TRIM50: variants seen among roughly 807,000 people sequenced by gnomAD.
The protein encoded by TRIM50 is E3 ubiquitin-protein ligase TRIM50.
Under a neutral mutation model 44.9 loss-of-function variants are expected in TRIM50, and 34 were observed. That is an observed-to-expected ratio of 0.76 (90% CI 0.58 to 1.01). TRIM50 has a LOEUF of 1.01. Ranked by LOEUF, TRIM50 falls within the 50% of genes least tolerant of loss-of-function variation. The probability of loss-of-function intolerance (pLI) is 0.00; values close to 1 mark genes in which losing one functional copy is unlikely to be tolerated. For synonymous variants in TRIM50, 307 were observed against 291.1 expected, an observed-to-expected ratio of 1.05 and a Z score of -0.56; for missense variants, 633 against 663.7, an observed-to-expected ratio of 0.95 and a Z score of 0.51.
intron 1 of TRIM50, 133 bp from the exon 2 acceptor site, chr7:73,324,938 C>T: frequency 6.9e-7 from 1 of 1,451,360 alleles, no homozygotes; most frequent in Non-Finnish European, 9.2e-7. Context: ...CAGTCCTAAC[C>T]CACATGACCT....
In TRIM50 at chr7:73,324,659, C is replaced by T; in HGVS notation, c.129G>A (p.Leu43=). 1 of 1,614,204 alleles carries T rather than the reference C, an allele frequency of 6.2e-7. No individual in the cohort carries two copies. ...GCAGCTCGGCATCCAGGTGGCAGGA[C>T]AGGGAAACCAGGCAGCCCTTGCAGT... The part of the protein sequence containing the change: ...HSYCKGCLVS[L]SCHLDAELRC... The change falls in exon 2 of 7, where the codon CTG becomes CTA. Residue 43 remains leucine (L), a synonymous_variant. Coordinates refer to ENST00000333149, the MANE Select transcript of TRIM50 (RefSeq NM_178125.3).
At position 73,313,161 on chromosome 7, in the gene TRIM50, G is replaced by T; in HGVS notation, c.1224C>A (p.Ala408=). The T allele has an allele frequency of 6.3e-7, 1 of 1,588,176 alleles. No individual in the cohort carries two copies. Among genetic ancestry groups the T allele is most frequent in the South Asian group, 1.1e-5 (1 of 87,510 alleles). Residue 408 remains alanine, a synonymous_variant, in exon 7 of 7, where the codon GCC becomes GCA. Transcript: ENST00000333149. This position sits in a 1 kb window ranked among gnomAD's most constrained non-coding sequence, Gnocchi z 4.9. ...AGAGCCCGATGCGGTGGGGGTGGCC[G>T]GCCACGGGCAGGGGTACCCGGGGGC... ...FACPRVPLPV[A]GHPHRIGLYL...
chr7:73,316,220 A>G (rs1312417123), intron 6 of TRIM50, among the ~76,000 whole-genome samples: 3 of 152,156 alleles, frequency 2.0e-5, no homozygotes, highest in Admixed American at 6.5e-5. Flanking sequence ...CAAAAACTGC[A>G]ATTACTTTTG....
chr7:73,322,254 C>A (rs1224803679), intron 2 of TRIM50, among the ~76,000 whole-genome samples: 3 of 152,178 alleles, frequency 2.0e-5, no homozygotes, highest in Non-Finnish European at 2.9e-5. Flanking sequence ...GAGGCTGAGG[C>A]AGGAGAATGG....
chr7:73,318,812 G>T lies in TRIM50; in HGVS notation c.726+10C>A. 6.2e-7 allele frequency: 1 copy of T among 1,614,010 alleles called. No homozygotes were observed. The highest frequency in any genetic ancestry group is 8.5e-7 in the Non-Finnish European group (1 of 1,179,878). ...GGGTATGGGGATGGGACGCCTCCCT[G>T]TCCACTCACCCGGATGAACTTGTGG... is the stretch of plus-strand genomic sequence containing the variant. On this transcript the variant is annotated intron_variant, in intron 4 of 6. Transcript: ENST00000333149.
intron 6 of TRIM50, among the ~76,000 whole-genome samples, chr7:73,316,166 C>CCA (rs1804353361): frequency 6.6e-6 from 1 of 152,174 alleles, no homozygotes; most frequent in Non-Finnish European, 1.5e-5. Context: ...CAGGCATGAG[C>CCA]CACTGTGCCC....
chr7:73,319,573 C>G (rs1804443838), intron 3 of TRIM50, among the ~76,000 whole-genome samples: 1 of 152,218 alleles, frequency 6.6e-6, no homozygotes, highest in Non-Finnish European at 1.5e-5. Flanking sequence ...CCTGCAGAAC[C>G]CTGAGCTCCG....
chr7:73,323,464 C>T (rs4030977), intron 2 of TRIM50, among the ~76,000 whole-genome samples: 2,289 of 152,330 alleles, frequency 0.015, 53 homozygotes, highest in African/African-American at 0.053. Context: ...ATCCACCCAC[C>T]TCGGCCTCCC....
rs1332684927 is a variant in TRIM50 at position 73,327,888 on chromosome 7, C to T, written c.-19+12G>A. ...GGTGCCCCATCATTTCCCGCTCGCTCTCGTTACGTACCCAGCCTCCGGCCC... is the reference window on the plus strand; with the variant it reads ...GGTGCCCCATCATTTCCCGCTCGCTTTCGTTACGTACCCAGCCTCCGGCCC... On this transcript the variant is annotated intron_variant, in intron 1 of 6. Transcript: ENST00000333149. The T allele has an allele frequency of 4.9e-6, 2 of 405,774 alleles. No homozygotes were observed. Among genetic ancestry groups the T allele is most frequent in the African/African-American group, 4.1e-5 (2 of 49,168 alleles). The allele number at this position is 405,774 out of a possible 1,614,324, so 25.1% of individuals were successfully genotyped here.
chr7:73,321,235 A>C (rs1432132747), intron 2 of TRIM50, among the ~76,000 whole-genome samples: 1 of 152,044 alleles, frequency 6.6e-6, no homozygotes, highest in Non-Finnish European at 1.5e-5. Flanking sequence ...TCTCAATGTC[A>C]CCCCTCTGCA....
intron 2 of TRIM50, among the ~76,000 whole-genome samples, chr7:73,323,944 G>A (rs1472320066): frequency 6.6e-5 from 10 of 152,132 alleles, no homozygotes; most frequent in Non-Finnish European, 1.3e-4. Context: ...GGAGGCTGAG[G>A]TGGGAGGATT....
chr7:73,321,731 A>G (rs1188639721), intron 2 of TRIM50, among the ~76,000 whole-genome samples: 2 of 152,182 alleles, frequency 1.3e-5, no homozygotes, highest in Non-Finnish European at 2.9e-5. Flanking sequence ...AGAGAGCTGC[A>G]AGGGGCTTTC....
At chr7:73,318,182 G>C (rs1231488869) in intron 5 of TRIM50, among the ~76,000 whole-genome samples, 1 of 152,210 alleles carries the variant, frequency 6.6e-6, no homozygotes, top group Non-Finnish European at 1.5e-5. Context: ...GCTGGATCAT[G>C]CAGTAGCATG....
intron 6 of TRIM50, chr7:73,315,061 GC>G: frequency 3.0e-6 from 1 of 338,292 alleles, no homozygotes; most frequent in East Asian, 8.0e-5. Flanking sequence ...AGGAGCTTGG[GC>G]TAAGCTGGTG....
At chr7:73,322,630 C>G (rs1196345355) in intron 2 of TRIM50, among the ~76,000 whole-genome samples, 1 of 152,238 alleles carries the variant, frequency 6.6e-6, no homozygotes, top group East Asian at 1.9e-4. Context: ...GTCTCTGTCT[C>G]TCTGATTTCC....
Position 73,313,442 on chromosome 7 carries a change from C to T in TRIM50, c.943G>A (p.Val315Met). The T allele has an allele frequency of 6.4e-7, 1 of 1,559,526 alleles. No individual in the cohort carries two copies. Among genetic ancestry groups the T allele is most frequent in the Non-Finnish European group, 8.6e-7 (1 of 1,158,184 alleles). ...PLLELSKGNTVVQCGLLAQRR... is the reference protein window; with the variant it reads ...PLLELSKGNTMVQCGLLAQRR... ...TGGGCCAGAAGCCCGCACTGCACCACCGTGTTGCCCTTGGAGAGCTCCAGG... is the reference window on the plus strand; with the variant it reads ...TGGGCCAGAAGCCCGCACTGCACCATCGTGTTGCCCTTGGAGAGCTCCAGG... The change falls in exon 7 of 7, where the codon GTG becomes ATG. Residue 315 changes from valine (V) to methionine (M), a missense_variant. Physicochemically the swap from Val to Met is conservative, Grantham distance 21. Transcript: ENST00000333149. This position sits in a 1 kb window ranked among gnomAD's most constrained non-coding sequence, Gnocchi z 4.9.
At chr7:73,322,285 C>T (rs1353430350) in intron 2 of TRIM50, among the ~76,000 whole-genome samples, 5 of 152,122 alleles carry the variant, frequency 3.3e-5, no homozygotes, top group African/African-American at 1.2e-4. Context: ...GGAGGCGGAG[C>T]TTGCAGTGAG....
chr7:73,327,962 C>A lies in TRIM50; in HGVS notation c.-81G>T. ...CTGTCGCTCCAGTTAGATGCCCCAT[C>A]CTGCCCCGCGAGCTCCAATTACGTG... On this transcript the variant is annotated 5_prime_UTR_variant, in exon 1 of 7. Transcript: ENST00000333149. 1.8e-6 allele frequency: 1 copy of A among 552,634 alleles called. No individual in the cohort carries two copies. The highest frequency in any genetic ancestry group is 2.1e-5 in the South Asian group (1 of 48,246). The allele number at this position is 552,634 out of a possible 1,614,324, so 34.2% of individuals were successfully genotyped here. A position where few individuals can be genotyped will look rare whatever the true frequency, so the allele number is the denominator to read the frequency against.
chr7:73,321,617 C>T (rs1408197220), intron 2 of TRIM50, among the ~76,000 whole-genome samples: 13 of 152,146 alleles, frequency 8.5e-5, no homozygotes, highest in African/African-American at 2.2e-4. Context: ...GGGTGCCAAC[C>T]GGGACCCCTG....
Sources: allele counts gnomAD v4.1 joint callset (sites outside exome capture counted in the v4.1 genomes callset), GRCh38; gene constraint gnomAD v4.1.1; non-coding constraint Gnocchi (gnomAD v3.1); transcripts MANE v1.5; gene names NCBI Gene and HGNC (gene_info 2026-07-23, HGNC 2026-07-21).